EXOC6B: variants seen among roughly 807,000 people sequenced by gnomAD.
EXOC6B encodes SEC15 homolog B.
In EXOC6B, 54 loss-of-function variants were observed where a neutral mutation model predicts 113.5. The ratio of observed to expected loss-of-function variants is 0.48; its 90% CI spans 0.38 to 0.60. The LOEUF (loss-of-function observed/expected upper bound fraction) is 0.60. Among genes scored for constraint, EXOC6B ranks in the 20% least tolerant of loss-of-function variants. The pLI is 0.00. For synonymous variants in EXOC6B, 357 were observed against 339.0 expected, an observed-to-expected ratio of 1.05 and a Z score of -0.58; for missense variants, 797 against 977.5, an observed-to-expected ratio of 0.82 and a Z score of 2.46.
At chr2:72,411,451 A>C (rs539234372) in intron 18 of EXOC6B, among the ~76,000 whole-genome samples, 28 of 152,286 alleles carry the variant, frequency 1.8e-4, no homozygotes, top group East Asian at 7.7e-4. Context: ...GTTCTGCAGA[A>C]GCAATGGAGA....
rs79362110 is a variant in EXOC6B, at chr2:72,823,287, G to T, written c.113+2511C>A. On this transcript the variant is annotated intron_variant, in intron 1 of 21. Coordinates refer to ENST00000272427, the MANE Select transcript of EXOC6B (RefSeq NM_015189.3). ...TTTACAGTGTCCCCTTAGGGCAAAA[G>T]ACCTCTTAATCCATCTATCTACACA... Among the ~76,000 whole-genome samples the T allele has an allele frequency of 7.9e-3, 1,190 of 149,926 alleles. 19 individuals are homozygous for T. Among genetic ancestry groups the T allele is most frequent in the African/African-American group, 0.028 (1,144 of 40,718 alleles).
chr2:72,311,733 C>T (rs1687198568), intron 20 of EXOC6B, among the ~76,000 whole-genome samples: 1 of 152,114 alleles, frequency 6.6e-6, no homozygotes, highest in South Asian at 2.1e-4. Context: ...CACACACAAA[C>T]AGATGTATAT....
At chr2:72,434,935 T>G (rs1416954617) in intron 18 of EXOC6B, among the ~76,000 whole-genome samples, 1 of 152,202 alleles carries the variant, frequency 6.6e-6, no homozygotes, top group Non-Finnish European at 1.5e-5. Context: ...AGTTATTTGT[T>G]GTCTTCTGCT....
chr2:72,355,424 T>C (rs755766608), intron 19 of EXOC6B, among the ~76,000 whole-genome samples: 1 of 152,186 alleles, frequency 6.6e-6, no homozygotes, highest in Non-Finnish European at 1.5e-5. Context: ...CAGTAGAGAA[T>C]GAAAGCATTA....
intron 20 of EXOC6B, among the ~76,000 whole-genome samples, chr2:72,240,608 G>A (rs1328888756): frequency 6.6e-6 from 1 of 152,174 alleles, no homozygotes; most frequent in Non-Finnish European, 1.5e-5. Flanking sequence ...GGGTTCATTT[G>A]AGATGGACAA....
chr2:72,542,708 C>A (rs1702672477), intron 8 of EXOC6B, among the ~76,000 whole-genome samples: 1 of 152,260 alleles, frequency 6.6e-6, no homozygotes, highest in East Asian at 1.9e-4. Flanking sequence ...CTCCTTTTCT[C>A]CCTTATATGA....
At chr2:72,334,845 C>G (rs1424138643) in intron 20 of EXOC6B, 102 bp downstream of exon 20, 1 of 1,037,886 alleles carries the variant, frequency 9.6e-7, no homozygotes, top group East Asian at 2.6e-5. Context: ...CAATGTGAAT[C>G]GCCAACGCCA....
intron 20 of EXOC6B, among the ~76,000 whole-genome samples, chr2:72,193,553 A>T (rs757463335): frequency 1.3e-5 from 2 of 152,226 alleles, no homozygotes; most frequent in Non-Finnish European, 2.9e-5. Flanking sequence ...TGATGTTAAG[A>T]CGTTATCTCT....
intron 18 of EXOC6B, among the ~76,000 whole-genome samples, chr2:72,422,866 T>C (rs569580254): frequency 6.6e-6 from 1 of 151,446 alleles, no homozygotes; most frequent in South Asian, 2.1e-4. Flanking sequence ...TCAGGGATTG[T>C]AAACGCACCA....
At chr2:72,279,428 C>T (rs1390438690) in intron 20 of EXOC6B, among the ~76,000 whole-genome samples, 1 of 152,122 alleles carries the variant, frequency 6.6e-6, no homozygotes, top group Non-Finnish European at 1.5e-5. Flanking sequence ...GACCTTGATG[C>T]ACACAAAAAT....
intron 6 of EXOC6B, among the ~76,000 whole-genome samples, chr2:72,594,536 A>G (rs1268250108): frequency 6.6e-6 from 1 of 152,202 alleles, no homozygotes; most frequent in African/African-American, 2.4e-5. Flanking sequence ...ACTTTGAGTA[A>G]GATGTACCTC....
chr2:72,744,332 G>A (rs1397867810), intron 1 of EXOC6B, among the ~76,000 whole-genome samples: 1 of 152,120 alleles, frequency 6.6e-6, no homozygotes, highest in African/African-American at 2.4e-5. Context: ...GAGCAATCTG[G>A]ATTCATTCTC....
At chr2:72,440,029 G>C in intron 18 of EXOC6B, among the ~76,000 whole-genome samples, 1 of 152,124 alleles carries the variant, frequency 6.6e-6, no homozygotes, top group East Asian at 1.9e-4. Context: ...GAAACGCAAA[G>C]ATAGCAGTCT....
intron 6 of EXOC6B, among the ~76,000 whole-genome samples, chr2:72,612,849 T>C (rs1018818673): frequency 6.6e-6 from 1 of 152,214 alleles, no homozygotes. Context: ...TGTAAGCACA[T>C]GTATGCATTC....
intron 16 of EXOC6B, among the ~76,000 whole-genome samples, 190 bp downstream of exon 16, chr2:72,492,128 T>A (rs1479448518): frequency 6.6e-6 from 1 of 152,266 alleles, no homozygotes; most frequent in African/African-American, 2.4e-5. Flanking sequence ...ACGACTTTTT[T>A]AGAAAAAAAT....
At chr2:72,704,744 C>T (rs1190510865) in intron 6 of EXOC6B, among the ~76,000 whole-genome samples, 3 of 149,680 alleles carry the variant, frequency 2.0e-5, no homozygotes, top group Non-Finnish European at 4.5e-5. Context: ...TGGATAAATT[C>T]CTGGACACAT....
At chr2:72,802,730 C>A (rs1004238720) in intron 1 of EXOC6B, among the ~76,000 whole-genome samples, 4 of 152,174 alleles carry the variant, frequency 2.6e-5, no homozygotes, top group Non-Finnish European at 5.9e-5. Context: ...CCTAAACCTA[C>A]TTCCTTTCAT....
At position 72,723,664 on chromosome 2, in the gene EXOC6B, C is replaced by T. The variant is rs549070398; in HGVS notation, c.465-5357G>A. 1.1e-4 allele frequency among the ~76,000 whole-genome samples: 17 copies of T among 150,538 alleles called. No individual in the cohort carries two copies. The South Asian group carries it at 1.3e-3, about 11-fold the overall frequency. ...TAACAAATACGTAATTTCTTCTGTG[C>T]GCTAGAGATAGAAAGATGTTCAGAT... On this transcript the variant is annotated intron_variant, in intron 5 of 21. Coordinates refer to ENST00000272427, the MANE Select transcript of EXOC6B (RefSeq NM_015189.3).
At chr2:72,454,555 T>C (rs1345776937) in intron 18 of EXOC6B, among the ~76,000 whole-genome samples, 1 of 152,154 alleles carries the variant, frequency 6.6e-6, no homozygotes, top group East Asian at 1.9e-4. Context: ...AAATCAAGTA[T>C]GAAAATTTGT....
Sources: allele counts gnomAD v4.1 joint callset (sites outside exome capture counted in the v4.1 genomes callset), GRCh38; gene constraint gnomAD v4.1.1; transcripts MANE v1.5; gene names NCBI Gene and HGNC (gene_info 2026-07-23, HGNC 2026-07-21).